GALNT17: variants seen among roughly 807,000 people sequenced by gnomAD.
GALNT17 encodes polypeptide N-acetylgalactosaminyltransferase 17.
Under a neutral mutation model 63.7 loss-of-function variants are expected in GALNT17, and 29 were observed. The observed-to-expected ratio is 0.46, with a 90% CI of 0.34 to 0.62. GALNT17 has a LOEUF of 0.62. Ranked by LOEUF, GALNT17 falls within the 20% of genes least tolerant of loss-of-function variation. The probability of loss-of-function intolerance (pLI) is 0.01; values close to 1 mark genes in which losing one functional copy is unlikely to be tolerated. For missense variants in GALNT17, 603 were observed against 799.6 expected (o/e 0.75, Z 2.97); for synonymous variants, 305 against 318.3 (o/e 0.96, Z 0.45).
intron 1 of GALNT17, among the ~76,000 whole-genome samples, chr7:71,169,887 A>G (rs889360584): frequency 6.6e-6 from 1 of 151,898 alleles, no homozygotes; most frequent in African/African-American, 2.4e-5. Flanking sequence ...TTGTTGCCCT[A>G]CACTTTTTGT....
At position 71,713,342 on chromosome 7, in the gene GALNT17, G is replaced by A. The variant is rs1791823415; in HGVS notation, c.*1196G>A. 1 of 152,800 alleles carries A rather than the reference G, an allele frequency of 6.5e-6. No individual in the cohort carries two copies. The highest frequency in any genetic ancestry group is 1.5e-5 in the Non-Finnish European group (1 of 68,400). 9.5% of individuals were successfully genotyped at this position (152,800 alleles called of 1,614,324 possible). On this transcript the variant is annotated 3_prime_UTR_variant, in exon 11 of 11. Transcript: ENST00000333538. ...GAGGGATGAGAAGGGTGTGGGTTTGGCCCCATGTCACTGGCCGGAAGGATG... is the reference window on the plus strand; with the variant it reads ...GAGGGATGAGAAGGGTGTGGGTTTGACCCCATGTCACTGGCCGGAAGGATG...
At chr7:71,377,193 C>T (rs1792758985) in intron 2 of GALNT17, among the ~76,000 whole-genome samples, 1 of 146,700 alleles carries the variant, frequency 6.8e-6, no homozygotes, top group Admixed American at 7.0e-5. Context: ...GACAGGCCCT[C>T]CTACTGTACC....
In GALNT17 at chr7:71,441,201, T is replaced by A. The variant is rs10268199; in HGVS notation, c.962+20096T>A. Among the ~76,000 whole-genome samples the A allele has an allele frequency of 2.0e-3, 302 of 152,226 alleles. 2 individuals carry two copies. Among genetic ancestry groups the A allele is most frequent in the African/African-American group, 6.8e-3 (283 of 41,532 alleles). On this transcript the variant is annotated intron_variant, in intron 5 of 10. Transcript: ENST00000333538. ...CCACGCCCGGCTGATTTTTGTATTT[T>A]TAGTAGAGACAGGGTTTCATCATGT... is the stretch of plus-strand genomic sequence containing the variant.
chr7:71,356,659 G>A (rs1020169791), intron 2 of GALNT17, among the ~76,000 whole-genome samples: 3 of 152,184 alleles, frequency 2.0e-5, no homozygotes, highest in South Asian at 2.1e-4. Flanking sequence ...GCTCCAAGGC[G>A]TTCATGAGCG....
intron 1 of GALNT17, among the ~76,000 whole-genome samples, chr7:71,244,171 T>A (rs1200292616): frequency 2.6e-5 from 4 of 152,210 alleles, no homozygotes; most frequent in African/African-American, 9.6e-5. Flanking sequence ...TCCGTCCAGA[T>A]CCTGCCTGGC....
chr7:71,641,174 G>T (rs1440565773), intron 6 of GALNT17, among the ~76,000 whole-genome samples: 1 of 152,198 alleles, frequency 6.6e-6, no homozygotes, highest in South Asian at 2.1e-4. Flanking sequence ...GGACATAGGG[G>T]TTGGTAGACT....
At chr7:71,509,949 A>AT (rs60003782) in intron 5 of GALNT17, among the ~76,000 whole-genome samples, 127,312 of 150,554 alleles carry the variant, frequency 0.85, 54,360 homozygotes, top group Non-Finnish European at 0.91. Flanking sequence ...AAAGTGTACA[A>AT]TTTTTTTTTT....
chr7:71,646,447 A>T (rs977608503), intron 6 of GALNT17, among the ~76,000 whole-genome samples: 1 of 152,178 alleles, frequency 6.6e-6, no homozygotes, highest in African/African-American at 2.4e-5. Context: ...GCGTGTTTCT[A>T]TCTCATGAGT....
intron 1 of GALNT17, among the ~76,000 whole-genome samples, chr7:71,276,663 C>T (rs1270999183): frequency 1.3e-5 from 2 of 152,194 alleles, no homozygotes; most frequent in Non-Finnish European, 2.9e-5. Context: ...GCCTCCCCAG[C>T]CATGTGTAAC....
At chr7:71,319,663 A>G (rs1055603524) in intron 1 of GALNT17, among the ~76,000 whole-genome samples, 1 of 152,124 alleles carries the variant, frequency 6.6e-6, no homozygotes, top group Non-Finnish European at 1.5e-5. Context: ...TCTTGATTCC[A>G]TGTTACATCC....
chr7:71,509,552 C>T (rs1788321124), intron 5 of GALNT17, among the ~76,000 whole-genome samples: 2 of 152,240 alleles, frequency 1.3e-5, no homozygotes, highest in Admixed American at 1.3e-4. Context: ...GCTAGGGAAA[C>T]ACTTGGCTTT....
chr7:71,555,620 AT>A (rs1488348341), intron 5 of GALNT17, among the ~76,000 whole-genome samples: 1 of 151,836 alleles, frequency 6.6e-6, no homozygotes, highest in Non-Finnish European at 1.5e-5. Context: ...CATTGGAACT[AT>A]CCCATATGTC....
intron 1 of GALNT17, among the ~76,000 whole-genome samples, chr7:71,216,046 A>AAATAATAATAAT (rs1554339811): frequency 8.8e-6 from 1 of 114,242 alleles, no homozygotes; most frequent in African/African-American, 2.7e-5. Context: ...TTGTCTCCAT[A>AAATAATAATAAT]AATAATAATA....
chr7:71,375,498 T>A (rs1792704821), intron 2 of GALNT17, among the ~76,000 whole-genome samples: 1 of 152,122 alleles, frequency 6.6e-6, no homozygotes, highest in Admixed American at 6.5e-5. Context: ...CACTGCAGCC[T>A]CGACCTTCAG....
At chr7:71,169,194 G>T (rs564751114) in intron 1 of GALNT17, among the ~76,000 whole-genome samples, 1 of 152,264 alleles carries the variant, frequency 6.6e-6, no homozygotes, top group South Asian at 2.1e-4. Flanking sequence ...TTAGGTTGTT[G>T]CAAAAGTAAT....
intron 2 of GALNT17, among the ~76,000 whole-genome samples, chr7:71,341,783 C>T (rs955225950): frequency 3.3e-5 from 5 of 152,174 alleles, no homozygotes; most frequent in African/African-American, 4.8e-5. Flanking sequence ...GAGGAAGCTA[C>T]TCAAGCACAT....
chr7:71,448,450 T>C (rs1043683460), intron 5 of GALNT17, among the ~76,000 whole-genome samples: 1 of 152,116 alleles, frequency 6.6e-6, no homozygotes, highest in African/African-American at 2.4e-5. Flanking sequence ...TTTCTTTGTT[T>C]TTCTTTAATC....
At chr7:71,277,228 A>G (rs1790698295) in intron 1 of GALNT17, among the ~76,000 whole-genome samples, 1 of 148,528 alleles carries the variant, frequency 6.7e-6, no homozygotes, top group Admixed American at 7.6e-5. Flanking sequence ...TAAGTGAACT[A>G]ACTGAGAAAC....
intron 9 of GALNT17, among the ~76,000 whole-genome samples, chr7:71,698,915 T>C (rs1240926826): frequency 6.6e-6 from 1 of 152,060 alleles, no homozygotes; most frequent in Non-Finnish European, 1.5e-5. Flanking sequence ...CTCACGCCTG[T>C]AATCCCAGCA....
Sources: gnomAD v4.1 joint callset for allele counts (sites outside exome capture counted in the v4.1 genomes callset) on GRCh38, gnomAD v4.1.1 for gene constraint, MANE v1.5 for transcripts, NCBI Gene and HGNC (gene_info 2026-07-23, HGNC 2026-07-21) for gene names.